PLEKHA7: variants seen among roughly 807,000 people sequenced by gnomAD.
The protein encoded by PLEKHA7 is pleckstrin homology domain containing A7, also known as pleckstrin homology domain-containing family A member 7.
A neutral mutation model predicts 170.0 loss-of-function variants in PLEKHA7; 104 were observed. The ratio of observed to expected loss-of-function variants is 0.61; its 90% confidence interval spans 0.52 to 0.72. The LOEUF is 0.72. PLEKHA7 is among the 30% of genes least tolerant of loss of function. PLEKHA7 has a pLI of 0.00. For missense variants in PLEKHA7, 1,615 were observed against 1,671.7 expected (o/e 0.97, Z 0.59); for synonymous variants, 648 against 660.8 (o/e 0.98, Z 0.30).
At chr11:16,888,517 G>A (rs1430925890) in intron 3 of PLEKHA7, among the ~76,000 whole-genome samples, 1 of 152,308 alleles carries the variant, frequency 6.6e-6, no homozygotes, top group Admixed American at 6.5e-5. Flanking sequence ...CTTCTGCCTT[G>A]GGATGCTGTT....
intron 3 of PLEKHA7, among the ~76,000 whole-genome samples, chr11:16,912,368 G>C (rs1858312914): frequency 6.6e-6 from 1 of 152,204 alleles, no homozygotes; most frequent in South Asian, 2.1e-4. Flanking sequence ...TAAAAGTACA[G>C]TGACATTCAG....
intron 9 of PLEKHA7, among the ~76,000 whole-genome samples, chr11:16,840,710 T>C (rs970377126): frequency 2.0e-5 from 3 of 152,178 alleles, no homozygotes; most frequent in Non-Finnish European, 4.4e-5. Context: ...GGCCTGACTA[T>C]ACCCTGGCCT....
At chr11:17,008,068 G>C (rs920478845) in intron 3 of PLEKHA7, among the ~76,000 whole-genome samples, 3 of 152,170 alleles carry the variant, frequency 2.0e-5, no homozygotes, top group Non-Finnish European at 2.9e-5. Context: ...TCAGGTCCTA[G>C]GGGAGGGGAA....
chr11:16,922,108 C>T (rs1388524939), intron 3 of PLEKHA7, among the ~76,000 whole-genome samples: 1 of 152,174 alleles, frequency 6.6e-6, no homozygotes, highest in Non-Finnish European at 1.5e-5. Flanking sequence ...AGATGAAACC[C>T]TTCTAGGACA....
chr11:16,882,843 T>G (rs1198018641), intron 3 of PLEKHA7, among the ~76,000 whole-genome samples: 1 of 147,120 alleles, frequency 6.8e-6, no homozygotes, highest in African/African-American at 2.5e-5. Context: ...ATATATTTCA[T>G]ATGTATATAC....
chr11:16,846,347 G>A (rs940002247), intron 8 of PLEKHA7, among the ~76,000 whole-genome samples: 9 of 151,958 alleles, frequency 5.9e-5, no homozygotes, highest in African/African-American at 1.5e-4. Context: ...GAAAAGAAAC[G>A]AAACTTCTCA....
chr11:16,906,327 A>C (rs28591629), intron 3 of PLEKHA7, among the ~76,000 whole-genome samples: 121,254 of 123,118 alleles, frequency 0.98, 59,695 homozygotes, highest in Middle Eastern at 1. Context: ...CCCTCCTCTC[A>C]CTCTCCCTCT....
At chr11:16,969,482 C>T (rs1483182784) in intron 3 of PLEKHA7, among the ~76,000 whole-genome samples, 1 of 152,040 alleles carries the variant, frequency 6.6e-6, no homozygotes, top group Admixed American at 6.6e-5. Flanking sequence ...GATGATGATC[C>T]CATGCTATTC....
chr11:16,878,299 C>T (rs1206520836), intron 3 of PLEKHA7, among the ~76,000 whole-genome samples: 1 of 152,202 alleles, frequency 6.6e-6, no homozygotes, highest in Non-Finnish European at 1.5e-5. Flanking sequence ...GCCTCTGTTG[C>T]ACCCATTCTC....
At chr11:16,806,702 T>C (rs1849014080) in intron 13 of PLEKHA7, among the ~76,000 whole-genome samples, 1 of 152,196 alleles carries the variant, frequency 6.6e-6, no homozygotes, top group South Asian at 2.1e-4. Context: ...GTTATCCAAA[T>C]ACCAACTGCC....
At chr11:16,860,705 A>G (rs960946732) in intron 4 of PLEKHA7, among the ~76,000 whole-genome samples, 1 of 152,198 alleles carries the variant, frequency 6.6e-6, no homozygotes. Flanking sequence ...TTTGCCACAG[A>G]AAGACCCTAT....
Position 16,843,076 on chromosome 11 carries a change from TG to T in PLEKHA7, c.697-1355del, listed in dbSNP as rs1286899171. On this transcript the variant is annotated intron_variant, in intron 8 of 26. Coordinates refer to ENST00000531066, the MANE Select transcript of PLEKHA7 (RefSeq NM_001329630.2). Reference sequence around the variant, plus strand: ...CACGAGAGTGGGAACTTTGCTATTTTGTTCACTACTATATCCCCAGGAAGAG... The same window carrying T: ...CACGAGAGTGGGAACTTTGCTATTTTTTCACTACTATATCCCCAGGAAGAG... Among the ~76,000 whole-genome samples, 3 of 152,370 alleles carry T rather than the reference TG, an allele frequency of 2.0e-5. No individual in the cohort carries two copies. In the East Asian group the frequency reaches 5.8e-4, roughly 29 times the overall value.
chr11:17,002,705 G>C (rs1372038166), intron 3 of PLEKHA7, among the ~76,000 whole-genome samples: 1 of 152,174 alleles, frequency 6.6e-6, no homozygotes, highest in East Asian at 1.9e-4. Context: ...AGACGTGCCA[G>C]ACAATGCATT....
At chr11:16,909,554 G>A (rs1192362893) in intron 3 of PLEKHA7, among the ~76,000 whole-genome samples, 1 of 152,212 alleles carries the variant, frequency 6.6e-6, no homozygotes, top group Non-Finnish European at 1.5e-5. Flanking sequence ...AGCCTAGACA[G>A]GTGCAAATAC....
intron 3 of PLEKHA7, among the ~76,000 whole-genome samples, chr11:16,946,798 C>T (rs1861057693): frequency 6.6e-6 from 1 of 152,104 alleles, no homozygotes; most frequent in Non-Finnish European, 1.5e-5. Context: ...AACACCCCCT[C>T]CCCCACAGAG....
intron 3 of PLEKHA7, among the ~76,000 whole-genome samples, chr11:16,972,853 T>C (rs1219274625): frequency 3.3e-5 from 5 of 152,196 alleles, no homozygotes; most frequent in African/African-American, 1.2e-4. Flanking sequence ...CCTAAAAAAC[T>C]AGAAACCTCG....
At chr11:16,967,881 G>A (rs1228776380) in intron 3 of PLEKHA7, among the ~76,000 whole-genome samples, 1 of 152,026 alleles carries the variant, frequency 6.6e-6, no homozygotes, top group African/African-American at 2.4e-5. Context: ...CCTTTCTTTA[G>A]ACTAATTGCC....
intron 3 of PLEKHA7, among the ~76,000 whole-genome samples, chr11:16,968,721 C>T (rs1028389398): frequency 6.6e-6 from 1 of 152,208 alleles, no homozygotes; most frequent in Non-Finnish European, 1.5e-5. Flanking sequence ...CCATGACTCC[C>T]CCACCACCAA....
chr11:16,933,953 C>A (rs1386859562), intron 3 of PLEKHA7, among the ~76,000 whole-genome samples: 2 of 152,220 alleles, frequency 1.3e-5, no homozygotes, highest in Non-Finnish European at 2.9e-5. Flanking sequence ...TGCCTCCCAG[C>A]CCCATCCTCT....
Sources: gnomAD v4.1 joint callset for allele counts (sites outside exome capture counted in the v4.1 genomes callset) on GRCh38, gnomAD v4.1.1 for gene constraint, MANE v1.5 for transcripts, NCBI Gene and HGNC (gene_info 2026-07-23, HGNC 2026-07-21) for gene names.